Variants in NR6A1 observed in about 807,000 individuals in gnomAD.
The protein encoded by NR6A1 is retinoic acid receptor-related testis-associated receptor.
Under a neutral mutation model 59.1 loss-of-function variants are expected in NR6A1, and 7 were observed. That is an observed-to-expected ratio of 0.12 (90% CI 0.07 to 0.22). The LOEUF (loss-of-function observed/expected upper bound fraction) is 0.22, where lower values mean the gene tolerates loss of function less well. Ranked by LOEUF, NR6A1 falls within the 10% of genes least tolerant of loss-of-function variation. The pLI, the probability that NR6A1 is intolerant of heterozygous loss-of-function variation, is 1.00. For missense variants in NR6A1, 468 were observed against 611.6 expected (o/e 0.77, Z 2.48); for synonymous variants, 243 against 236.1 (o/e 1.03, Z -0.27).
chr9:124,673,209 C>G (rs1298768708), intron 2 of NR6A1, among the ~76,000 whole-genome samples: 1 of 152,110 alleles, frequency 6.6e-6, no homozygotes, highest in East Asian at 1.9e-4. Flanking sequence ...GTAGTCCCAT[C>G]TACTTGGGAG....
intron 2 of NR6A1, among the ~76,000 whole-genome samples, chr9:124,725,918 C>T (rs1588831932): frequency 2.0e-5 from 3 of 152,122 alleles, no homozygotes; most frequent in African/African-American, 7.2e-5. Context: ...AGTGTGTATG[C>T]CTTGTAACAG....
chr9:124,712,523 G>C (rs1437569590), intron 2 of NR6A1, among the ~76,000 whole-genome samples: 1 of 151,570 alleles, frequency 6.6e-6, no homozygotes, highest in Non-Finnish European at 1.5e-5. Context: ...CACAAGAATC[G>C]CCTGAACCTG....
In NR6A1 at chr9:124,524,916, G is replaced by T. The variant is rs776098330; in HGVS notation, c.1202-43C>A. ...ACACACACACACATACAGGGAATGG[G>T]ATGGGCATTCTAATGTGGAAGAAAC... On this transcript the variant is annotated intron_variant, in intron 8 of 9. Coordinates refer to ENST00000487099, the MANE Select transcript of NR6A1 (RefSeq NM_033334.4). 8.4e-6 allele frequency: 13 copies of T among 1,554,098 alleles called. No individual in the cohort carries two copies. The South Asian group carries it at 9.8e-5, about 12-fold the overall frequency.
intron 2 of NR6A1, among the ~76,000 whole-genome samples, chr9:124,686,876 T>C (rs1201147286): frequency 6.6e-6 from 1 of 151,692 alleles, no homozygotes; most frequent in Non-Finnish European, 1.5e-5. Context: ...GCTAATTTTT[T>C]ATTTTTTGTA....
chr9:124,562,909 T>G (rs1834121763), intron 2 of NR6A1, among the ~76,000 whole-genome samples: 1 of 152,218 alleles, frequency 6.6e-6, no homozygotes, highest in Non-Finnish European at 1.5e-5. Context: ...CCACATCATT[T>G]AGCAAGAACA....
intron 2 of NR6A1, chr9:124,598,944 C>A (rs1835363524): frequency 2.8e-6 from 2 of 707,172 alleles, no homozygotes; most frequent in Non-Finnish European, 5.3e-6. Flanking sequence ...CAGACTCAGG[C>A]ATGGTCATTA....
intron 2 of NR6A1, among the ~76,000 whole-genome samples, chr9:124,690,483 AAACC>A (rs1248632039): frequency 6.6e-6 from 1 of 152,194 alleles, no homozygotes; most frequent in African/African-American, 2.4e-5. Context: ...AACAAACTCA[AAACC>A]AATCTAAATC....
At position 124,662,185 on chromosome 9, in the gene NR6A1, T is replaced by C. The variant is rs115484267; in HGVS notation, c.142+71123A>G. Among the ~76,000 whole-genome samples, 385 of 152,212 alleles carry C rather than the reference T, an allele frequency of 2.5e-3. 3 individuals are homozygous for C. Among genetic ancestry groups the C allele is most frequent in the African/African-American group, 8.2e-3 (339 of 41,528 alleles). ...ATATTAGATAGTACTGGAAGACAGG[T>C]AGTCATGGCCAGAGTACGTGAAATG... On this transcript the variant is annotated intron_variant, in intron 2 of 9. Coordinates refer to ENST00000487099, the MANE Select transcript of NR6A1 (RefSeq NM_033334.4).
At chr9:124,547,440 G>C (rs904442500) in intron 3 of NR6A1, among the ~76,000 whole-genome samples, 1 of 152,076 alleles carries the variant, frequency 6.6e-6, no homozygotes, top group Non-Finnish European at 1.5e-5. Flanking sequence ...CCTACATGTA[G>C]ATAACTATTT....
chr9:124,742,472 A>G (rs1456258336), intron 1 of NR6A1, among the ~76,000 whole-genome samples: 1 of 152,052 alleles, frequency 6.6e-6, no homozygotes, highest in East Asian at 1.9e-4. Context: ...GAGGCAGGAG[A>G]ATTGCTTGAA....
intron 1 of NR6A1, among the ~76,000 whole-genome samples, chr9:124,737,454 G>A (rs553256761): frequency 6.6e-6 from 1 of 152,288 alleles, no homozygotes; most frequent in South Asian, 2.1e-4. Flanking sequence ...CATCTAGCTG[G>A]CAAAATGATT....
At chr9:124,642,512 T>C (rs1836794537) in intron 2 of NR6A1, among the ~76,000 whole-genome samples, 1 of 152,240 alleles carries the variant, frequency 6.6e-6, no homozygotes, top group Non-Finnish European at 1.5e-5. Context: ...AACTGTTTTA[T>C]GCATTATAAA....
At chr9:124,665,994 C>CA (rs1837602025) in intron 2 of NR6A1, among the ~76,000 whole-genome samples, 1 of 152,204 alleles carries the variant, frequency 6.6e-6, no homozygotes, top group Non-Finnish European at 1.5e-5. Flanking sequence ...CTCCACAGAG[C>CA]AGGAAGCTCC....
intron 6 of NR6A1, among the ~76,000 whole-genome samples, chr9:124,537,346 C>G (rs1833299289): frequency 6.6e-6 from 1 of 152,170 alleles, no homozygotes; most frequent in African/African-American, 2.4e-5. Context: ...CTAGGCCTTC[C>G]AAAGTGCTGG....
At chr9:124,584,891 CGAAAGCTAGGCCT>C (rs1225713524) in intron 2 of NR6A1, among the ~76,000 whole-genome samples, 1 of 152,144 alleles carries the variant, frequency 6.6e-6, no homozygotes, top group Admixed American at 6.5e-5. Context: ...AAAGATAAGC[CGAAAGCTAGGCCT>C]CTTGCTCCAA....
At chr9:124,760,940 C>T (rs1840770812) in intron 1 of NR6A1, among the ~76,000 whole-genome samples, 1 of 152,200 alleles carries the variant, frequency 6.6e-6, no homozygotes, top group Non-Finnish European at 1.5e-5. Context: ...CCTCTAAATG[C>T]ATGTCAATGG....
chr9:124,735,497 C>T (rs1022817572), intron 1 of NR6A1, among the ~76,000 whole-genome samples: 3 of 152,158 alleles, frequency 2.0e-5, no homozygotes, highest in Non-Finnish European at 4.4e-5. Flanking sequence ...GAACACACAA[C>T]CCTGCCTCTA....
chr9:124,659,403 C>T (rs981218737), intron 2 of NR6A1, among the ~76,000 whole-genome samples: 1 of 152,200 alleles, frequency 6.6e-6, no homozygotes, highest in Admixed American at 6.5e-5. Flanking sequence ...GGAATGCATC[C>T]CCTCTGAAGC....
At chr9:124,741,345 T>A (rs1022725325) in intron 1 of NR6A1, among the ~76,000 whole-genome samples, 1 of 152,278 alleles carries the variant, frequency 6.6e-6, no homozygotes, top group Non-Finnish European at 1.5e-5. Flanking sequence ...AGCCAATTTA[T>A]AGCTGTGTCA....
Sources: gnomAD v4.1 joint callset for allele counts (sites outside exome capture counted in the v4.1 genomes callset) on GRCh38, gnomAD v4.1.1 for gene constraint, MANE v1.5 for transcripts, NCBI Gene and HGNC (gene_info 2026-07-23, HGNC 2026-07-21) for gene names.